Variants in ERC2 observed in about 807,000 individuals in gnomAD.
The protein encoded by ERC2 is ELKS/RAB6-interacting/CAST family member 2.
ERC2 carries 42 observed loss-of-function variants against 114.8 expected under a neutral mutation model. The ratio of observed to expected loss-of-function variants is 0.37; its 90% CI spans 0.29 to 0.47. The LOEUF is 0.47. ERC2 is among the 20% of genes least tolerant of loss of function. The pLI, the probability that ERC2 is intolerant of heterozygous loss-of-function variation, is 0.99. For synonymous variants in ERC2, 454 were observed against 425.5 expected (o/e 1.07, Z -0.82); for missense variants, 939 against 1,150.7 (o/e 0.82, Z 2.66).
chr3:55,954,005 A>G (rs573351719), intron 12 of ERC2, among the ~76,000 whole-genome samples: 110 of 145,164 alleles, frequency 7.6e-4, no homozygotes, highest in African/African-American at 2.7e-3. Flanking sequence ...ATCCTGCCCC[A>G]GAACCAAGTA....
chr3:55,591,772 A>G (rs1410471050), intron 17 of ERC2, among the ~76,000 whole-genome samples: 1 of 152,030 alleles, frequency 6.6e-6, no homozygotes, highest in Non-Finnish European at 1.5e-5. Context: ...CATCCCCATT[A>G]TTCTTGTCCT....
At chr3:56,216,199 C>A (rs2049458166) in intron 3 of ERC2, among the ~76,000 whole-genome samples, 1 of 152,118 alleles carries the variant, frequency 6.6e-6, no homozygotes, top group African/African-American at 2.4e-5. Flanking sequence ...ATCAATGAAT[C>A]CAGGAGCTGA....
At chr3:55,725,240 C>T (rs2064837589) in intron 15 of ERC2, among the ~76,000 whole-genome samples, 1 of 152,164 alleles carries the variant, frequency 6.6e-6, no homozygotes, top group Non-Finnish European at 1.5e-5. Context: ...AGCCAGGGAA[C>T]ACAATGGTAA....
chr3:55,713,825 C>T (rs554203245), intron 15 of ERC2, among the ~76,000 whole-genome samples: 25 of 152,302 alleles, frequency 1.6e-4, no homozygotes, highest in Admixed American at 8.5e-4. Context: ...GTCCTTATTT[C>T]TCCATGTGGT....
intron 7 of ERC2, among the ~76,000 whole-genome samples, chr3:56,067,024 C>T (rs1020723202): frequency 5.3e-5 from 8 of 152,086 alleles, no homozygotes; most frequent in Admixed American, 1.3e-4. Context: ...ATTGTCTTGG[C>T]TACATAGGCA....
intron 9 of ERC2, among the ~76,000 whole-genome samples, chr3:56,008,258 G>C (rs1185366836): frequency 6.6e-6 from 1 of 152,096 alleles, no homozygotes; most frequent in Non-Finnish European, 1.5e-5. Flanking sequence ...CATGGACACT[G>C]GAATAACCTT....
chr3:56,380,758 A>T lies in ERC2; in HGVS notation c.657+53593T>A, dbSNP rs541209564. ...TGACTAAAAATGGAGGTAAAGTTCA[A>T]ATTGCTACAAGTTGTAAATTTGTTC... is the stretch of plus-strand genomic sequence containing the variant. On this transcript the variant is annotated intron_variant, in intron 2 of 17. Coordinates refer to ENST00000288221, the MANE Select transcript of ERC2 (RefSeq NM_015576.3). Among the ~76,000 whole-genome samples, 4 of 152,358 alleles carry T rather than the reference A, an allele frequency of 2.6e-5. No homozygotes were observed. The South Asian group carries it at 8.3e-4, about 32-fold the overall frequency.
intron 14 of ERC2, among the ~76,000 whole-genome samples, chr3:55,740,583 T>C (rs1459330474): frequency 6.6e-6 from 1 of 152,146 alleles, no homozygotes; most frequent in Admixed American, 6.6e-5. Flanking sequence ...GATAAAAAGG[T>C]ATATAAAACT....
At chr3:56,017,985 T>C (rs1266158586) in intron 8 of ERC2, among the ~76,000 whole-genome samples, 1 of 151,930 alleles carries the variant, frequency 6.6e-6, no homozygotes, top group East Asian at 1.9e-4. Context: ...GGGTTTGGAG[T>C]CTAGCAGAGA....
At chr3:55,931,634 G>C (rs113204890) in intron 13 of ERC2, among the ~76,000 whole-genome samples, 42 of 152,188 alleles carry the variant, frequency 2.8e-4, no homozygotes, top group African/African-American at 1.0e-3. Context: ...GATAGCATTA[G>C]GAAAAATACT....
intron 14 of ERC2, among the ~76,000 whole-genome samples, chr3:55,841,109 G>A (rs1304360303): frequency 1.3e-5 from 2 of 152,110 alleles, no homozygotes; most frequent in African/African-American, 2.4e-5. Flanking sequence ...ATAATTTATT[G>A]TATGTCAATC....
At chr3:55,692,813 C>A (rs2062732802) in intron 16 of ERC2, among the ~76,000 whole-genome samples, 1 of 152,180 alleles carries the variant, frequency 6.6e-6, no homozygotes, top group Non-Finnish European at 1.5e-5. Flanking sequence ...TCCTATCAAC[C>A]ATTATAAATT....
intron 15 of ERC2, among the ~76,000 whole-genome samples, chr3:55,700,470 AGT>A (rs2063164392): frequency 6.6e-6 from 1 of 152,242 alleles, no homozygotes; most frequent in South Asian, 2.1e-4. Flanking sequence ...TGAGAGGAAT[AGT>A]GCCTCTTTCC....
intron 7 of ERC2, among the ~76,000 whole-genome samples, chr3:56,022,405 G>A (rs1362265598): frequency 6.6e-6 from 1 of 152,140 alleles, no homozygotes; most frequent in Non-Finnish European, 1.5e-5. Flanking sequence ...CAAAATATCA[G>A]AATGGTTATT....
At chr3:56,416,872 A>G (rs977434015) in intron 2 of ERC2, among the ~76,000 whole-genome samples, 1 of 152,160 alleles carries the variant, frequency 6.6e-6, no homozygotes, top group Non-Finnish European at 1.5e-5. Flanking sequence ...TCAGTCATTC[A>G]GTCATCATAT....
intron 17 of ERC2, among the ~76,000 whole-genome samples, chr3:55,512,798 G>C (rs1175871912): frequency 6.6e-6 from 1 of 152,158 alleles, no homozygotes; most frequent in Non-Finnish European, 1.5e-5. Context: ...GTTTATGCTG[G>C]AGACAAGAGA....
intron 10 of ERC2, among the ~76,000 whole-genome samples, chr3:55,996,881 T>C (rs1223061350): frequency 6.6e-6 from 1 of 152,254 alleles, no homozygotes; most frequent in Non-Finnish European, 1.5e-5. Context: ...ATACTATATG[T>C]AAATGAAAGT....
chr3:56,254,334 C>G (rs944010688), intron 3 of ERC2, among the ~76,000 whole-genome samples: 1 of 142,202 alleles, frequency 7.0e-6, no homozygotes, highest in African/African-American at 2.4e-5. Flanking sequence ...CCCTTAAACC[C>G]CTTTTTTTTT....
At chr3:55,526,488 G>A (rs2053325429) in intron 17 of ERC2, among the ~76,000 whole-genome samples, 1 of 152,146 alleles carries the variant, frequency 6.6e-6, no homozygotes, top group South Asian at 2.1e-4. Context: ...CCTTTGACCT[G>A]GTTGAGCAAC....
Sources: gnomAD v4.1 joint callset for allele counts (sites outside exome capture counted in the v4.1 genomes callset) on GRCh38, gnomAD v4.1.1 for gene constraint, MANE v1.5 for transcripts, NCBI Gene and HGNC (gene_info 2026-07-23, HGNC 2026-07-21) for gene names.